Variants in HEMK2 observed in about 807,000 individuals in gnomAD.
HEMK2 encodes methyltransferase HEMK2.
the HEMK2 span, among the ~76,000 whole-genome samples, chr21:28,765,179 G>A: frequency 6.6e-6 from 1 of 152,166 alleles, no homozygotes; most frequent in African/African-American, 2.4e-5. Context: ...AGAAATGGAG[G>A]CCCTCAACCT....
At chr21:28,699,001 G>C in the HEMK2 span, among the ~76,000 whole-genome samples, 5 of 152,182 alleles carry the variant, frequency 3.3e-5, no homozygotes, top group East Asian at 9.7e-4. Context: ...CAACCAAAAT[G>C]TAAGCATTCA....
the HEMK2 span, among the ~76,000 whole-genome samples, chr21:28,812,321 A>G: frequency 6.6e-6 from 1 of 152,172 alleles, no homozygotes; most frequent in East Asian, 1.9e-4. Flanking sequence ...CATTCCATCA[A>G]TACCTAGTTT....
At chr21:28,681,702 G>C in the HEMK2 span, among the ~76,000 whole-genome samples, 7 of 151,954 alleles carry the variant, frequency 4.6e-5, no homozygotes, top group Non-Finnish European at 4.4e-5. Context: ...CCAAAACAGA[G>C]ATATAGACCA....
chr21:28,586,031 T>C, the HEMK2 span, among the ~76,000 whole-genome samples: 1 of 152,294 alleles, frequency 6.6e-6, no homozygotes, highest in African/African-American at 2.4e-5. Context: ...ACACTAGTGA[T>C]ACACAAATGC....
At chr21:28,731,770 A>T in the HEMK2 span, among the ~76,000 whole-genome samples, 1 of 138,892 alleles carries the variant, frequency 7.2e-6, no homozygotes, top group Non-Finnish European at 1.5e-5. Flanking sequence ...AAAAAAAAAA[A>T]AAAGAAAGAA....
the HEMK2 span, among the ~76,000 whole-genome samples, chr21:28,879,400 C>A: frequency 6.6e-6 from 1 of 152,134 alleles, no homozygotes; most frequent in Admixed American, 6.5e-5. Context: ...TGCCACCAGG[C>A]CCGGCTAATT....
At chr21:28,835,070 G>A in the HEMK2 span, among the ~76,000 whole-genome samples, 21 of 152,166 alleles carry the variant, frequency 1.4e-4, no homozygotes, top group Middle Eastern at 0.01. Context: ...CCCTGGTCAC[G>A]GAAGACAAAG....
the HEMK2 span, among the ~76,000 whole-genome samples, chr21:28,778,841 G>T: frequency 6.6e-6 from 1 of 152,092 alleles, no homozygotes; most frequent in African/African-American, 2.4e-5. Flanking sequence ...AGCCTTTGCT[G>T]GATATGTGGT....
At chr21:28,865,689 T>C in the HEMK2 span, among the ~76,000 whole-genome samples, 127,506 of 152,068 alleles carry the variant, frequency 0.84, 53,911 homozygotes, top group South Asian at 0.93. Context: ...GACTCTGAAG[T>C]CTCTAGGCCT....
chr21:28,758,789 A>G, the HEMK2 span, among the ~76,000 whole-genome samples: 1 of 152,184 alleles, frequency 6.6e-6, no homozygotes, highest in East Asian at 1.9e-4. Flanking sequence ...TCCAGGTACC[A>G]GGGGAAGCTG....
the HEMK2 span, among the ~76,000 whole-genome samples, chr21:28,759,677 G>A: frequency 1.3e-5 from 2 of 152,084 alleles, no homozygotes; most frequent in African/African-American, 4.8e-5. Context: ...ACTGAATCAT[G>A]GGGCAGTTTC....
At chr21:28,768,746 C>A in the HEMK2 span, among the ~76,000 whole-genome samples, 1 of 151,922 alleles carries the variant, frequency 6.6e-6, no homozygotes, top group Non-Finnish European at 1.5e-5. Context: ...TAAATTTTGA[C>A]CCCCTAAAAG....
the HEMK2 span, among the ~76,000 whole-genome samples, chr21:28,588,855 C>T: frequency 0.082 from 12,513 of 151,758 alleles, 660 homozygotes; most frequent in South Asian, 0.19. Context: ...TTGTGGTGGG[C>T]ACCTGTAGTC....
the HEMK2 span, among the ~76,000 whole-genome samples, chr21:28,822,440 C>T: frequency 1.3e-5 from 2 of 151,948 alleles, no homozygotes; most frequent in Non-Finnish European, 2.9e-5. Flanking sequence ...AATTTCTTGG[C>T]TCATGTTCTA....
the HEMK2 span, among the ~76,000 whole-genome samples, chr21:28,781,805 T>C: frequency 6.6e-6 from 1 of 152,190 alleles, no homozygotes; most frequent in Non-Finnish European, 1.5e-5. Context: ...GTCCCTCTAG[T>C]GGTCACATTG....
the HEMK2 span, among the ~76,000 whole-genome samples, chr21:28,877,613 AAAGAG>A: frequency 4.7e-5 from 7 of 149,312 alleles, no homozygotes; most frequent in Non-Finnish European, 7.5e-5. Context: ...GGAAGGAAAA[AAAGAG>A]AAAAGAGAGA....
At chr21:28,583,087 G>C in the HEMK2 span, among the ~76,000 whole-genome samples, 1 of 152,144 alleles carries the variant, frequency 6.6e-6, no homozygotes, top group South Asian at 2.1e-4. Context: ...AGCTATTTCT[G>C]AAGAGTTGCT....
At chr21:28,602,916 C>T in the HEMK2 span, among the ~76,000 whole-genome samples, 4 of 152,192 alleles carry the variant, frequency 2.6e-5, no homozygotes, top group African/African-American at 9.6e-5. Context: ...TCCTTGTATC[C>T]CTTTTGCCAT....
At chr21:28,831,534 GGAAA>G in the HEMK2 span, among the ~76,000 whole-genome samples, 63 of 46,000 alleles carry the variant, frequency 1.4e-3, no homozygotes, top group East Asian at 3.0e-3. Context: ...AAGGAAAGAA[GGAAA>G]GAAGGAAAGA....
Sources: gnomAD v4.1 joint callset for allele counts (sites outside exome capture counted in the v4.1 genomes callset) on GRCh38, gnomAD v4.1.1 for gene constraint, MANE v1.5 for transcripts, NCBI Gene and HGNC (gene_info 2026-07-23, HGNC 2026-07-21) for gene names.